FBXL17: variants seen among roughly 807,000 people sequenced by gnomAD.
FBXL17 encodes F-box and leucine rich repeat protein 17, also known as F-box/LRR-repeat protein 17.
Under a neutral mutation model 66.2 loss-of-function variants are expected in FBXL17, and 22 were observed. The ratio of observed to expected loss-of-function variants is 0.33; its 90% CI spans 0.24 to 0.47. The LOEUF is 0.47. Ranked by LOEUF, FBXL17 falls within the 20% of genes least tolerant of loss-of-function variation. The pLI is 1.00. For missense variants in FBXL17, 878 were observed against 948.2 expected (o/e 0.93, Z 0.97); for synonymous variants, 474 against 400.5 (o/e 1.18, Z -2.19).
chr5:108,091,896 CAT>C (rs1749200114), intron 6 of FBXL17, among the ~76,000 whole-genome samples: 4 of 152,244 alleles, frequency 2.6e-5, no homozygotes, highest in African/African-American at 7.2e-5. Context: ...ATTAGAATAA[CAT>C]GTGGATAGCA....
At chr5:107,886,597 G>T (rs930287841) in intron 7 of FBXL17, among the ~76,000 whole-genome samples, 1 of 151,878 alleles carries the variant, frequency 6.6e-6, no homozygotes, top group Non-Finnish European at 1.5e-5. Flanking sequence ...AACAATGGGG[G>T]CATTTCAAAA....
At chr5:108,378,924 A>G (rs1418840829) in intron 1 of FBXL17, among the ~76,000 whole-genome samples, 1 of 152,220 alleles carries the variant, frequency 6.6e-6, no homozygotes, top group Non-Finnish European at 1.5e-5. Flanking sequence ...GAATACCACT[A>G]GGACCATCAG....
At chr5:107,956,632 G>A (rs1431682525) in intron 7 of FBXL17, among the ~76,000 whole-genome samples, 1 of 152,096 alleles carries the variant, frequency 6.6e-6, no homozygotes, top group Non-Finnish European at 1.5e-5. Flanking sequence ...ACACACAGGA[G>A]GCTTTCAAAA....
chr5:108,136,310 A>T (rs1358286079), intron 6 of FBXL17, among the ~76,000 whole-genome samples: 1 of 152,148 alleles, frequency 6.6e-6, no homozygotes, highest in Non-Finnish European at 1.5e-5. Context: ...TCTCACAAAA[A>T]AGGAAAATGG....
intron 4 of FBXL17, among the ~76,000 whole-genome samples, chr5:108,307,284 T>C (rs1330242860): frequency 6.6e-6 from 1 of 152,078 alleles, no homozygotes; most frequent in Non-Finnish European, 1.5e-5. Context: ...TTAACTCTTT[T>C]GAGTATATGT....
chr5:107,868,203 T>G (rs942446794), intron 8 of FBXL17, among the ~76,000 whole-genome samples: 2 of 152,194 alleles, frequency 1.3e-5, no homozygotes, highest in African/African-American at 4.8e-5. Flanking sequence ...TGTACCACAT[T>G]GCCTGGCCCC....
At chr5:108,265,147 T>TTA (rs1385809529) in intron 4 of FBXL17, among the ~76,000 whole-genome samples, 1 of 152,112 alleles carries the variant, frequency 6.6e-6, no homozygotes, top group Non-Finnish European at 1.5e-5. Flanking sequence ...TAGACACTGA[T>TTA]TATTTCATTG....
At chr5:108,117,638 G>A (rs1481036247) in intron 6 of FBXL17, among the ~76,000 whole-genome samples, 1 of 152,050 alleles carries the variant, frequency 6.6e-6, no homozygotes, top group African/African-American at 2.4e-5. Flanking sequence ...CTAATCAAAA[G>A]ATGAGTATTT....
In FBXL17 at chr5:108,381,579, G is replaced by C. The variant is rs1298124453; in HGVS notation, c.113C>G (p.Pro38Arg). ...CGCCGGCTGAGGGGGCACCTTGGCT[G>C]GGGTCCGGCGGGGCAGCCTGAGGAG... is the stretch of plus-strand genomic sequence containing the variant. ...RPLLRLPRRT[P>R]AKVPPQPAAP... The change falls in exon 1 of 9, where the codon CCA becomes CGA. Residue 38 changes from proline to arginine, a missense_variant. This residue lies in a region of FBXL17 where 605 missense variants were observed against 509.5 expected (regional missense o/e 1.19). Coordinates refer to ENST00000542267, the MANE Select transcript of FBXL17 (RefSeq NM_001163315.3). The C allele has an allele frequency of 3.4e-5, 49 of 1,449,702 alleles. No individual in the cohort carries two copies. Among genetic ancestry groups the C allele is most frequent in the Admixed American group, 5.5e-5 (2 of 36,536 alleles). The allele number at this position is 1,449,702 out of a possible 1,614,324, so 89.8% of individuals were successfully genotyped here. A position where few individuals can be genotyped will look rare whatever the true frequency, so the allele number is the denominator to read the frequency against.
At position 108,363,477 on chromosome 5, in the gene FBXL17, C is replaced by T. The variant is rs186523779; in HGVS notation, c.1374+1261G>A. ...TTTTGCTACTTTTATCAGAATATTA[C>T]CTCACGTGTAACTAATTCATAATTC... On this transcript the variant is annotated intron_variant, in intron 3 of 8. Transcript: ENST00000542267. 2.6e-5 allele frequency among the ~76,000 whole-genome samples: 4 copies of T among 151,994 alleles called. No homozygotes were observed. In the East Asian group the frequency reaches 7.7e-4, roughly 29 times the overall value.
At chr5:108,286,489 T>C (rs1316361688) in intron 4 of FBXL17, among the ~76,000 whole-genome samples, 1 of 151,682 alleles carries the variant, frequency 6.6e-6, no homozygotes, top group South Asian at 2.1e-4. Flanking sequence ...CATTCCTATA[T>C]ACAAACAACA....
intron 7 of FBXL17, among the ~76,000 whole-genome samples, chr5:107,893,262 G>A (rs1749261981): frequency 6.6e-6 from 1 of 152,164 alleles, no homozygotes; most frequent in African/African-American, 2.4e-5. Flanking sequence ...GAGAGGCCTG[G>A]TTCTGGATCT....
chr5:108,072,817 A>T (rs1748393459), intron 6 of FBXL17, among the ~76,000 whole-genome samples: 1 of 152,224 alleles, frequency 6.6e-6, no homozygotes, highest in South Asian at 2.1e-4. Context: ...ACCATTTCAG[A>T]TGCCTAAAAG....
At chr5:108,349,039 C>A (rs1270996453) in intron 3 of FBXL17, among the ~76,000 whole-genome samples, 1 of 152,088 alleles carries the variant, frequency 6.6e-6, no homozygotes, top group Non-Finnish European at 1.5e-5. Flanking sequence ...CTCCTGGCCT[C>A]GAGCAATCCT....
chr5:108,273,321 C>T (rs997688674), intron 4 of FBXL17, among the ~76,000 whole-genome samples: 13 of 150,930 alleles, frequency 8.6e-5, no homozygotes, highest in African/African-American at 3.2e-4. Flanking sequence ...CACATGTACC[C>T]TAAAACTTAA....
At position 107,930,597 on chromosome 5, in the gene FBXL17, C is replaced by T. The variant is rs117884270; in HGVS notation, c.1823-49418G>A. Among the ~76,000 whole-genome samples the T allele has an allele frequency of 6.6e-4, 100 of 152,348 alleles. 2 individuals carry two copies. In the East Asian group the frequency reaches 0.018, roughly 28 times the overall value. ...GAAATGATTATGTGTGCTCATTTTACGTGGCAGCCCCAGTGCCCATGCCAG... is the reference window on the plus strand; with the variant it reads ...GAAATGATTATGTGTGCTCATTTTATGTGGCAGCCCCAGTGCCCATGCCAG... On this transcript the variant is annotated intron_variant, in intron 7 of 8. Transcript: ENST00000542267.
intron 4 of FBXL17, among the ~76,000 whole-genome samples, chr5:108,247,174 T>A (rs964425415): frequency 6.6e-6 from 1 of 152,196 alleles, no homozygotes; most frequent in Non-Finnish European, 1.5e-5. Flanking sequence ...AACGATTATG[T>A]AAAAATTGCC....
intron 7 of FBXL17, among the ~76,000 whole-genome samples, chr5:107,977,966 C>G (rs940760146): frequency 6.6e-6 from 1 of 152,146 alleles, no homozygotes; most frequent in Non-Finnish European, 1.5e-5. Flanking sequence ...AAGAAGGGAA[C>G]AGTGGAAGGC....
At chr5:107,873,996 G>A (rs1580670932) in intron 8 of FBXL17, among the ~76,000 whole-genome samples, 2 of 152,104 alleles carry the variant, frequency 1.3e-5, no homozygotes, top group Non-Finnish European at 2.9e-5. Context: ...CCCTTAAAAG[G>A]TTCTACACAG....
Sources: allele counts gnomAD v4.1 joint callset (sites outside exome capture counted in the v4.1 genomes callset), GRCh38; gene constraint gnomAD v4.1.1; regional missense constraint gnomAD v4.1.1; transcripts MANE v1.5; gene names NCBI Gene and HGNC (gene_info 2026-07-23, HGNC 2026-07-21).